Variants in RXRA observed in about 807,000 individuals in gnomAD.
RXRA encodes the protein retinoic acid receptor RXR-alpha.
RXRA carries 5 observed loss-of-function variants against 44.5 expected under a neutral mutation model. The observed-to-expected ratio is 0.11, with a 90% CI of 0.06 to 0.24. RXRA has a LOEUF of 0.24. RXRA is among the 10% of genes least tolerant of loss of function. The pLI, the probability that RXRA is intolerant of heterozygous loss-of-function variation, is 1.00. For synonymous variants in RXRA, 291 were observed against 271.4 expected (o/e 1.07, Z -0.71); for missense variants, 412 against 646.5 (o/e 0.64, Z 3.93).
At chr9:134,368,552 T>A (rs117919609) in intron 1 of RXRA, among the ~76,000 whole-genome samples, 2,175 of 152,180 alleles carry the variant, frequency 0.014, 19 homozygotes, top group Middle Eastern at 0.037. Flanking sequence ...TGTGTGTGTG[T>A]GACTGTGTAT....
chr9:134,421,889 GCACTCCCGGGACACTCCCCTGTCCTGGGA>G, intron 6 of RXRA, 84 bp downstream of exon 6: 2 of 1,469,324 alleles, frequency 1.4e-6, no homozygotes, highest in Non-Finnish European at 1.8e-6. Context: ...GGGATACTCC[GCACTCCCGGGACACTCCCCTGTCCTGGGA>G]CACTCCCCCC....
At chr9:134,423,444 C>T (rs561023692) in intron 6 of RXRA, 38 of 985,468 alleles carry the variant, frequency 3.9e-5, no homozygotes, top group Middle Eastern at 5.2e-4. Flanking sequence ...CAGCCAGAGA[C>T]GGGCTCCCTG....
chr9:134,373,159 T>C (rs143891974), intron 1 of RXRA, among the ~76,000 whole-genome samples: 4,686 of 151,410 alleles, frequency 0.031, 141 homozygotes, highest in African/African-American at 0.079. Flanking sequence ...GAGCTGGGGG[T>C]GGTCAGGAGC....
intron 1 of RXRA, among the ~76,000 whole-genome samples, chr9:134,381,652 G>T (rs1266454555): frequency 6.6e-6 from 1 of 152,088 alleles, no homozygotes; most frequent in Non-Finnish European, 1.5e-5. Context: ...TGCTGGCCTT[G>T]AGGGATCTGG....
At chr9:134,381,798 C>T (rs1016213332) in intron 1 of RXRA, among the ~76,000 whole-genome samples, 5 of 152,142 alleles carry the variant, frequency 3.3e-5, no homozygotes, top group Non-Finnish European at 7.4e-5. Context: ...CCGACCTCCC[C>T]GGGGTGCCCA....
intron 1 of RXRA, among the ~76,000 whole-genome samples, chr9:134,358,177 G>A (rs969410974): frequency 1.3e-5 from 2 of 152,248 alleles, no homozygotes; most frequent in East Asian, 1.9e-4. Flanking sequence ...GCGTGAGCCC[G>A]TGCAGGACAG....
intron 1 of RXRA, among the ~76,000 whole-genome samples, chr9:134,327,432 G>A (rs1554746179): frequency 1.3e-5 from 2 of 152,144 alleles, no homozygotes; most frequent in African/African-American, 4.8e-5. Context: ...ACCGAGAAGG[G>A]GGAGAGGGCA....
intron 1 of RXRA, among the ~76,000 whole-genome samples, chr9:134,327,310 A>G (rs1307130769): frequency 2.0e-5 from 3 of 152,048 alleles, no homozygotes; most frequent in African/African-American, 7.2e-5. Flanking sequence ...CTGGCTCTCC[A>G]TTTGTGAGCA....
intron 1 of RXRA, among the ~76,000 whole-genome samples, chr9:134,398,456 C>T (rs1282800762): frequency 6.6e-6 from 1 of 152,140 alleles, no homozygotes; most frequent in African/African-American, 2.4e-5. Flanking sequence ...GGCCAAAAAG[C>T]ATCTCTCTCT....
chr9:134,389,893 C>G (rs1417667522), intron 1 of RXRA, among the ~76,000 whole-genome samples: 1 of 152,212 alleles, frequency 6.6e-6, no homozygotes, highest in Non-Finnish European at 1.5e-5. Flanking sequence ...GTCTCAGGTT[C>G]TTGGGGCTGG....
chr9:134,381,059 C>G (rs1222625698), intron 1 of RXRA, among the ~76,000 whole-genome samples: 1 of 152,188 alleles, frequency 6.6e-6, no homozygotes, highest in Non-Finnish European at 1.5e-5. Context: ...AGCTCTGTGA[C>G]CCGGACAAGG....
At chr9:134,420,012 C>T (rs1024434352) in intron 5 of RXRA, among the ~76,000 whole-genome samples, 5 of 152,214 alleles carry the variant, frequency 3.3e-5, no homozygotes, top group Non-Finnish European at 5.9e-5. Flanking sequence ...GCTTGAGGCT[C>T]TCCTTCCTAC....
At chr9:134,416,328 C>T (rs990780709) in intron 4 of RXRA, among the ~76,000 whole-genome samples, 1 of 152,152 alleles carries the variant, frequency 6.6e-6, no homozygotes, top group Admixed American at 6.5e-5. Context: ...GAGCGCCCAC[C>T]CCCAGGGCTG....
chr9:134,424,413 G>A lies in RXRA; in HGVS notation c.910+2608G>A, dbSNP rs28681196. 7.1e-6 allele frequency: 7 copies of A among 985,172 alleles called. No individual in the cohort carries two copies. The South Asian group carries it at 1.4e-4, about 20-fold the overall frequency. 61.0% of individuals were successfully genotyped at this position (985,172 alleles called of 1,614,324 possible). ...CTCCCAGCCTGACCTCCCCCTGGGC[G>A]CCCACTGAGGTCCTTGCTGACCTGT... On this transcript the variant is annotated intron_variant, in intron 6 of 9. Coordinates refer to ENST00000481739, the MANE Select transcript of RXRA (RefSeq NM_002957.6).
intron 1 of RXRA, chr9:134,379,789 T>G: frequency 2.0e-6 from 2 of 985,284 alleles, no homozygotes; most frequent in Non-Finnish European, 2.4e-6. Flanking sequence ...CAGCTGCCCC[T>G]AAGGATGGAG....
intron 1 of RXRA, among the ~76,000 whole-genome samples, chr9:134,357,309 C>T (rs911793162): frequency 4.6e-5 from 7 of 152,178 alleles, no homozygotes; most frequent in East Asian, 1.9e-4. Context: ...TGCAGCCTCC[C>T]GCATCCTCAC....
chr9:134,355,741 G>A (rs565308746), intron 1 of RXRA, among the ~76,000 whole-genome samples: 39 of 152,318 alleles, frequency 2.6e-4, no homozygotes, highest in Non-Finnish European at 4.6e-4. Context: ...AGCTTGGAAC[G>A]CAGCCTTGCC....
chr9:134,425,576 G>A, intron 6 of RXRA: 1 of 681,132 alleles, frequency 1.5e-6, no homozygotes. Context: ...GGGGGGTGGG[G>A]GGAATGGAAG....
At chr9:134,430,122 G>A (rs976856391) in intron 7 of RXRA, among the ~76,000 whole-genome samples, 5 of 152,144 alleles carry the variant, frequency 3.3e-5, no homozygotes, top group African/African-American at 2.4e-5. Flanking sequence ...TCCTGACCTC[G>A]TGATCCGCCC....
Sources: allele counts gnomAD v4.1 joint callset (sites outside exome capture counted in the v4.1 genomes callset), GRCh38; gene constraint gnomAD v4.1.1; transcripts MANE v1.5; gene names NCBI Gene and HGNC (gene_info 2026-07-23, HGNC 2026-07-21).